AQR: variants seen among roughly 807,000 people sequenced by gnomAD.
The protein encoded by AQR is RNA helicase aquarius.
Under a neutral mutation model 180.5 loss-of-function variants are expected in AQR, and 61 were observed. The observed-to-expected ratio is 0.34, with a 90% CI of 0.28 to 0.42. The LOEUF (loss-of-function observed/expected upper bound fraction) is 0.42, where lower values mean the gene tolerates loss of function less well. Among genes scored for constraint, AQR ranks in the 10% least tolerant of loss-of-function variants. The probability of loss-of-function intolerance (pLI) is 1.00; values close to 1 mark genes in which losing one functional copy is unlikely to be tolerated. For synonymous variants in AQR, 551 were observed against 588.8 expected (o/e 0.94, Z 0.93); for missense variants, 1,281 against 1,798.3 (o/e 0.71, Z 5.20).
intron 7 of AQR, among the ~76,000 whole-genome samples, chr15:34,941,304 A>G (rs2140497084): frequency 6.6e-6 from 1 of 152,368 alleles, no homozygotes; most frequent in East Asian, 1.9e-4. Context: ...ACTTAGCATA[A>G]TCACTAAGGT....
intron 27 of AQR, among the ~76,000 whole-genome samples, chr15:34,877,954 T>C (rs1259198093): frequency 6.6e-6 from 1 of 152,158 alleles, no homozygotes; most frequent in African/African-American, 2.4e-5. Flanking sequence ...GCTGCTAGGA[T>C]AGGGTCAGGG....
chr15:34,856,995 G>A lies in AQR; in HGVS notation c.4255C>T (p.Pro1419Ser). 6.2e-7 allele frequency: 1 copy of A among 1,614,062 alleles called. No individual in the cohort carries two copies. The highest frequency in any genetic ancestry group is 8.5e-7 in the Non-Finnish European group (1 of 1,180,006). The change falls in exon 35 of 35, where the codon CCC becomes TCC. Residue 1419 changes from proline (P) to serine (S), a missense_variant. By Grantham distance (74) the Pro-to-Ser change is moderately conservative. This residue lies in a region of AQR where 182 missense variants were observed against 185.3 expected (regional missense o/e 0.98). Coordinates refer to ENST00000156471, the MANE Select transcript of AQR (RefSeq NM_014691.3). ...EAMTVQADII[P>S]SPTDTSCRQE... Reference sequence around the variant, plus strand: ...CGGCAGCTGGTGTCTGTTGGACTGGGTATGATGTCAGCTTGAACAGTCATG... The same window carrying A: ...CGGCAGCTGGTGTCTGTTGGACTGGATATGATGTCAGCTTGAACAGTCATG...
At chr15:34,957,722 T>TAAAAAAAAA (rs200338616) in intron 3 of AQR, among the ~76,000 whole-genome samples, 1 of 58,458 alleles carries the variant, frequency 1.7e-5, no homozygotes, top group African/African-American at 4.1e-5. Flanking sequence ...AAAAAAAACA[T>TAAAAAAAAA]AAAAATAATA....
rs530272087 is a variant in AQR at position 34,940,923 on chromosome 15, T to C, written c.617A>G (p.Lys206Arg). 1.1e-5 allele frequency: 17 copies of C among 1,609,242 alleles called. No individual in the cohort carries two copies. The East Asian group carries it at 3.4e-4, about 32-fold the overall frequency. Residue 206 changes from lysine (K) to arginine (R), a missense_variant, in exon 8 of 35, where the codon AAG becomes AGG. Coordinates refer to ENST00000156471, the MANE Select transcript of AQR (RefSeq NM_014691.3). ...FWNLIKKNDEKMDPEAREQAY... is the reference protein window; with the variant it reads ...FWNLIKKNDERMDPEAREQAY... ...CTGTTCTCTTGCTTCTGGATCCATC[T>C]TTTCATCATTCTTTTTAATCAAGTT...
At chr15:34,909,609 C>A (rs1339753775) in intron 17 of AQR, among the ~76,000 whole-genome samples, 4 of 152,116 alleles carry the variant, frequency 2.6e-5, no homozygotes, top group Non-Finnish European at 4.4e-5. Context: ...CCCTGCCCAC[C>A]CCCACATATT....
chr15:34,857,877 G>T (rs921202746), intron 34 of AQR, among the ~76,000 whole-genome samples: 2 of 152,210 alleles, frequency 1.3e-5, no homozygotes, highest in African/African-American at 4.8e-5. Flanking sequence ...CAGAAAACTG[G>T]AGCAACTCTA....
At chr15:34,950,158 C>T (rs1347792758) in intron 4 of AQR, among the ~76,000 whole-genome samples, 9 of 146,104 alleles carry the variant, frequency 6.2e-5, no homozygotes, top group South Asian at 2.2e-4. Flanking sequence ...GGCATAATCC[C>T]GGCTCACTGC....
In AQR at chr15:34,870,752, C is replaced by G; in HGVS notation, c.3768G>C (p.Lys1256Asn). Residue 1256 changes from lysine (K) to asparagine (N), a missense_variant and splice_region_variant, in exon 31 of 35, where the codon AAG becomes AAC. Lys to Asn is a moderately conservative substitution (Grantham distance 94). Around this residue, in one of 9 missense-constraint regions of AQR, gnomAD observed 197 missense variants for 320.7 expected, o/e 0.61. Transcript: ENST00000156471. ...GAACATATTATAATTATAAAAGTAC[C>G]TTGTTTGGTCTTCCAATCAATGGAT... ...GNNPLIGRPN[K>N]VTTVDRFQGQ... 1 of 1,607,846 alleles carries G rather than the reference C, an allele frequency of 6.2e-7. No homozygotes were observed. The highest frequency in any genetic ancestry group is 8.5e-7 in the Non-Finnish European group (1 of 1,177,314).
At chr15:34,898,867 G>A (rs2140475631) in intron 20 of AQR, among the ~76,000 whole-genome samples, 1 of 144,472 alleles carries the variant, frequency 6.9e-6, no homozygotes, top group African/African-American at 2.6e-5. Flanking sequence ...CCGGGTGACA[G>A]AGCGAAAAAA....
chr15:34,863,080 T>C, intron 32 of AQR, 39 bp from the exon 33 acceptor site: 1 of 1,556,016 alleles, frequency 6.4e-7, no homozygotes, highest in Non-Finnish European at 8.7e-7. Flanking sequence ...CACTTCAAGA[T>C]TATTAACATT....
chr15:34,930,985 C>G (rs1893850742), intron 11 of AQR, among the ~76,000 whole-genome samples: 1 of 151,946 alleles, frequency 6.6e-6, no homozygotes, highest in Non-Finnish European at 1.5e-5. Flanking sequence ...TACAGGCGCC[C>G]ACCACCATGC....
At chr15:34,893,638 C>CACAT in intron 23 of AQR, 25 bp downstream of exon 23, 2 of 1,572,624 alleles carry the variant, frequency 1.3e-6, no homozygotes, top group Non-Finnish European at 1.7e-6. Flanking sequence ...CACACACACA[C>CACAT]ACACACACAC....
intron 17 of AQR, 126 bp from the exon 18 acceptor site, chr15:34,906,838 T>A (rs1893426461): frequency 1.2e-6 from 1 of 815,376 alleles, no homozygotes; most frequent in Non-Finnish European, 1.8e-6. Flanking sequence ...TGACCAATGA[T>A]TATTATCGCA....
At position 34,909,996 on chromosome 15, in the gene AQR, T is replaced by A. The variant is rs576630326; in HGVS notation, c.1663+139A>T. On this transcript the variant is annotated intron_variant, in intron 17 of 34. Coordinates refer to ENST00000156471, the MANE Select transcript of AQR (RefSeq NM_014691.3). ...CTAATAATTAGAAAAAAAGTTGCTA[T>A]TCTTTAAATCAAATTTCAAGGATAA... 5.1e-6 allele frequency: 5 copies of A among 975,748 alleles called. No homozygotes were observed. The Admixed American group carries it at 1.1e-4, about 22-fold the overall frequency. 60.4% of individuals were successfully genotyped at this position (975,748 alleles called of 1,614,324 possible).
Position 34,915,077 on chromosome 15 carries a change from C to A in AQR, c.1445G>T (p.Arg482Leu), listed in dbSNP as rs879477579. The A allele has an allele frequency of 1.2e-6, 2 of 1,612,650 alleles. No individual in the cohort carries two copies. The highest frequency in any genetic ancestry group is 8.5e-7 in the Non-Finnish European group (1 of 1,179,716). ...GCTGACACTATCTTCAATGTCCTGACGAATTTCATAAGTTGATTCTAAGCG... is the reference window on the plus strand; with the variant it reads ...GCTGACACTATCTTCAATGTCCTGAAGAATTTCATAAGTTGATTCTAAGCG... ...LFRLESTYEIRQDIEDSVSRM... is the reference protein window; with the variant it reads ...LFRLESTYEILQDIEDSVSRM... Residue 482 changes from arginine to leucine, a missense_variant, in exon 16 of 35, where the codon CGT becomes CTT. Physicochemically the swap from Arg to Leu is moderately radical, Grantham distance 102. This residue lies in a region of AQR where 200 missense variants were observed against 293.4 expected (regional missense o/e 0.68). Coordinates refer to ENST00000156471, the MANE Select transcript of AQR (RefSeq NM_014691.3).
At chr15:34,954,398 C>G (rs1894277570) in intron 3 of AQR, among the ~76,000 whole-genome samples, 1 of 152,100 alleles carries the variant, frequency 6.6e-6, no homozygotes, top group African/African-American at 2.4e-5. Context: ...CTCAATCTCC[C>G]AGGCTCAAGC....
Position 34,870,941 on chromosome 15 carries a change from C to A in AQR, c.3598-19G>T, listed in dbSNP as rs749965849. The A allele has an allele frequency of 6.2e-7, 1 of 1,600,934 alleles. No homozygotes were observed. The highest frequency in any genetic ancestry group is 1.1e-5 in the South Asian group (1 of 89,522). On this transcript the variant is annotated intron_variant, in intron 30 of 34. Transcript: ENST00000156471. ...CAAGATTCTGTAATGCAAACATAATCAGACTGTGCATTCATTTGCTTTTGT... is the reference window on the plus strand; with the variant it reads ...CAAGATTCTGTAATGCAAACATAATAAGACTGTGCATTCATTTGCTTTTGT...
At chr15:34,863,982 G>GGGA (rs1294302090) in intron 32 of AQR, among the ~76,000 whole-genome samples, 1 of 152,126 alleles carries the variant, frequency 6.6e-6, no homozygotes, top group Admixed American at 6.6e-5. Context: ...AATAAAGCCT[G>GGGA]GGAGAATCAC....
chr15:34,954,951 C>A (rs1041540487), intron 3 of AQR, among the ~76,000 whole-genome samples: 1 of 151,942 alleles, frequency 6.6e-6, no homozygotes, highest in South Asian at 2.1e-4. Flanking sequence ...GGTGGAATCC[C>A]GTCTCTACTA....
Sources: allele counts gnomAD v4.1 joint callset (sites outside exome capture counted in the v4.1 genomes callset), GRCh38; gene constraint gnomAD v4.1.1; regional missense constraint gnomAD v4.1.1; transcripts MANE v1.5; gene names NCBI Gene and HGNC (gene_info 2026-07-23, HGNC 2026-07-21).